ZC3H12B: variants seen among roughly 807,000 people sequenced by gnomAD.
ZC3H12B encodes zinc finger CCCH-type containing 12B, also known as probable ribonuclease ZC3H12B.
Under a neutral mutation model 43.9 loss-of-function variants are expected in ZC3H12B, and 7 were observed. That is an observed-to-expected ratio of 0.16 (90% CI 0.09 to 0.30). The LOEUF is 0.30. ZC3H12B is among the 10% of genes least tolerant of loss of function. ZC3H12B has a pLI of 1.00. For synonymous variants in ZC3H12B, 222 were observed against 241.7 expected (o/e 0.92, Z 0.76); for missense variants, 475 against 670.2 (o/e 0.71, Z 3.22).
chrX:65,318,454 G>A, the ZC3H12B span, among the ~76,000 whole-genome samples: 2 of 96,618 alleles, frequency 2.1e-5, no homozygotes, highest in Non-Finnish European at 4.1e-5. Context: ...CACTCCTGTT[G>A]CCTAGGCTGG....
the ZC3H12B span, among the ~76,000 whole-genome samples, chrX:65,132,729 C>T: frequency 9.0e-6 from 1 of 111,236 alleles, no homozygotes; most frequent in Non-Finnish European, 1.9e-5. Flanking sequence ...GCTGTCAATA[C>T]CCACAACAGT....
chrX:65,390,336 A>G (rs1471480828), intron 2 of ZC3H12B, among the ~76,000 whole-genome samples: 1 of 110,920 alleles, frequency 9.0e-6, no homozygotes, highest in African/African-American at 3.3e-5. Context: ...GCCCACCAAC[A>G]TGGCACAAGT....
At chrX:65,460,030 G>T (rs1230364024) in intron 3 of ZC3H12B, among the ~76,000 whole-genome samples, 1 of 111,875 alleles carries the variant, frequency 8.9e-6, no homozygotes, top group Non-Finnish European at 1.9e-5. Flanking sequence ...CAAAATCAAT[G>T]TATGAAAATC....
chrX:65,056,351 A>C, the ZC3H12B span, among the ~76,000 whole-genome samples: 1 of 111,268 alleles, frequency 9.0e-6, no homozygotes, highest in Non-Finnish European at 1.9e-5. Flanking sequence ...TTATGTACCC[A>C]GTAGTCATTC....
chrX:65,384,765 A>G (rs1331416303), intron 2 of ZC3H12B, among the ~76,000 whole-genome samples: 1 of 112,178 alleles, frequency 8.9e-6, no homozygotes, highest in African/African-American at 3.2e-5. Flanking sequence ...TCTATGAGAA[A>G]CAGACTTCCC....
chrX:65,250,678 T>C, the ZC3H12B span, among the ~76,000 whole-genome samples: 1 of 112,298 alleles, frequency 8.9e-6, no homozygotes, highest in African/African-American at 3.2e-5. Context: ...TGCATTTCTC[T>C]GATGGCCAGT....
chrX:65,329,655 T>C, the ZC3H12B span, among the ~76,000 whole-genome samples: 1 of 110,769 alleles, frequency 9.0e-6, no homozygotes, highest in African/African-American at 3.4e-5. Context: ...ATTGCCTAGG[T>C]TTTCTTCTAG....
chrX:65,403,448 G>A (rs2066787114), intron 3 of ZC3H12B, among the ~76,000 whole-genome samples: 1 of 111,648 alleles, frequency 9.0e-6, no homozygotes, highest in Admixed American at 9.5e-5. Context: ...CAAACCTAGA[G>A]AAAGTTATTA....
chrX:65,127,564 G>A, the ZC3H12B span, among the ~76,000 whole-genome samples: 7 of 111,110 alleles, frequency 6.3e-5, no homozygotes, highest in African/African-American at 2.3e-4. Flanking sequence ...TTTTCAGGTG[G>A]TGGGTAGGGC....
At chrX:65,401,778 G>A (rs1215796196) in intron 3 of ZC3H12B, among the ~76,000 whole-genome samples, 1 of 111,682 alleles carries the variant, frequency 9.0e-6, no homozygotes, top group East Asian at 2.8e-4. Flanking sequence ...GACCAGAGTT[G>A]TGAGGCCCCC....
the ZC3H12B span, among the ~76,000 whole-genome samples, chrX:65,145,666 A>G: frequency 9.0e-6 from 1 of 111,521 alleles, no homozygotes; most frequent in African/African-American, 3.3e-5. Flanking sequence ...CAGTTCTTGT[A>G]GTGCTGGTTT....
At chrX:65,250,137 C>T in the ZC3H12B span, among the ~76,000 whole-genome samples, 3 of 109,921 alleles carry the variant, frequency 2.7e-5, no homozygotes, top group South Asian at 4.0e-4. Context: ...CTTCCTGTGT[C>T]CAAATGTTCT....
chrX:65,119,922 G>A, the ZC3H12B span, among the ~76,000 whole-genome samples: 1 of 111,633 alleles, frequency 9.0e-6, no homozygotes, highest in African/African-American at 3.3e-5. Context: ...CCCATTTCTG[G>A]TTTTTGTCAG....
the ZC3H12B span, among the ~76,000 whole-genome samples, chrX:65,112,946 G>A: frequency 1.8e-5 from 2 of 111,734 alleles, no homozygotes; most frequent in African/African-American, 3.2e-5. Flanking sequence ...GATGGATCTT[G>A]GAAAAATAAA....
the ZC3H12B span, among the ~76,000 whole-genome samples, chrX:65,214,401 G>A: frequency 1.3e-4 from 14 of 111,744 alleles, no homozygotes; most frequent in African/African-American, 4.2e-4. Context: ...CTGAGTTTCT[G>A]TTGTATAAAT....
chrX:65,403,716 T>C (rs1300660077), intron 3 of ZC3H12B, among the ~76,000 whole-genome samples: 1 of 111,562 alleles, frequency 9.0e-6, no homozygotes, highest in Non-Finnish European at 1.9e-5. Flanking sequence ...GAATAGTATA[T>C]ATGGCAAAAA....
chrX:65,186,446 C>G, the ZC3H12B span: 2 of 104,426 alleles, frequency 1.9e-5, no homozygotes, highest in Non-Finnish European at 3.9e-5. Context: ...GAGCCAAGAT[C>G]TCACCACTGT....
intron 3 of ZC3H12B, among the ~76,000 whole-genome samples, chrX:65,419,732 C>G (rs1054858179): frequency 9.1e-6 from 1 of 110,123 alleles, no homozygotes; most frequent in Non-Finnish European, 1.9e-5. Context: ...TTTTTATGGC[C>G]CTAGGATCAA....
chrX:65,134,935 G>A, the ZC3H12B span, among the ~76,000 whole-genome samples: 3 of 111,005 alleles, frequency 2.7e-5, no homozygotes, highest in African/African-American at 9.8e-5. Flanking sequence ...CAGTGGGGGA[G>A]CTTCTGAGAC....
Sources: allele counts gnomAD v4.1 joint callset (sites outside exome capture counted in the v4.1 genomes callset), GRCh38; gene constraint gnomAD v4.1.1; transcripts MANE v1.5; gene names NCBI Gene and HGNC (gene_info 2026-07-23, HGNC 2026-07-21).